Variants in APC2 observed in about 807,000 individuals in gnomAD.
APC2 encodes APC regulator of Wnt signaling pathway 2.
A neutral mutation model predicts 72.5 loss-of-function variants in APC2; 41 were observed. The ratio of observed to expected loss-of-function variants is 0.57; its 90% CI spans 0.44 to 0.73. The LOEUF (loss-of-function observed/expected upper bound fraction) is 0.73. APC2 is among the 30% of genes least tolerant of loss of function. APC2 has a pLI of 0.00. For synonymous variants in APC2, 1,898 were observed against 1,612.0 expected, an observed-to-expected ratio of 1.18 and a Z score of -4.25; for missense variants, 3,729 against 3,403.4, an observed-to-expected ratio of 1.10 and a Z score of -2.38.
In APC2 at chr19:1,455,226, A is replaced by G. The variant is rs758977342; in HGVS notation, c.491A>G (p.Lys164Arg). Reference sequence around the variant, plus strand: ...TACTCTCAGCTGCAGGGCCTGTCCAAGCGCCTGGACGAGCTGCCGCACGTG... The same window carrying G: ...TACTCTCAGCTGCAGGGCCTGTCCAGGCGCCTGGACGAGCTGCCGCACGTG... ...WYYSQLQGLS[K>R]RLDELPHVET... is the part of the protein sequence containing the mutation. Residue 164 changes from lysine (K) to arginine (R), a missense_variant, in exon 5 of 15, where the codon AAG becomes AGG. Coordinates refer to ENST00000590469, the MANE Select transcript of APC2 (RefSeq NM_005883.3). The G allele has an allele frequency of 2.0e-5, 31 of 1,581,502 alleles. No individual in the cohort carries two copies. The highest frequency in any genetic ancestry group is 1.6e-4 in the South Asian group (14 of 86,272).
At position 1,469,260 on chromosome 19, in the gene APC2, G is replaced by C. The variant is rs1486746861; in HGVS notation, c.5959G>C (p.Asp1987His). The C allele has an allele frequency of 7.0e-7, 1 of 1,426,840 alleles. No individual in the cohort carries two copies. Among genetic ancestry groups the C allele is most frequent in the Admixed American group, 2.5e-5 (1 of 40,502 alleles). The allele number at this position is 1,426,840 out of a possible 1,614,324, so 88.4% of individuals were successfully genotyped here. Residue 1987 changes from aspartate (D) to histidine (H), a missense_variant, in exon 15 of 15, where the codon GAC becomes CAC. Asp to His is a moderately conservative substitution (Grantham distance 81, BLOSUM62 -1). Coordinates refer to ENST00000590469, the MANE Select transcript of APC2 (RefSeq NM_005883.3). ...SALSSGSESS[D>H]RSGFRRQLTF... ...CCTCTCCAGCGGCAGCGAGTCCTCCGACCGCTCGGGCTTCCGGCGACAGCT... is the reference window on the plus strand; with the variant it reads ...CCTCTCCAGCGGCAGCGAGTCCTCCCACCGCTCGGGCTTCCGGCGACAGCT...
chr19:1,468,132 G>A lies in APC2; in HGVS notation c.4831G>A (p.Gly1611Ser). ...GREPAVTKDPGPGGGRDSSPS... is the reference protein window; with the variant it reads ...GREPAVTKDPSPGGGRDSSPS... ...GGAGCCCGCGGTCACCAAGGACCCG[G>A]GCCCAGGAGGCGGACGCGACAGCTC... Residue 1611 changes from glycine to serine, a missense_variant, in exon 15 of 15, where the codon GGC becomes AGC. Coordinates refer to ENST00000590469, the MANE Select transcript of APC2 (RefSeq NM_005883.3). 1 of 1,499,018 alleles carries A rather than the reference G, an allele frequency of 6.7e-7. No individual in the cohort carries two copies. Among genetic ancestry groups the A allele is most frequent in the Non-Finnish European group, 8.8e-7 (1 of 1,131,484 alleles). 92.9% of individuals were successfully genotyped at this position (1,499,018 alleles called of 1,614,324 possible). A position where few individuals can be genotyped will look rare whatever the true frequency, so the allele number is the denominator to read the frequency against.
rs759747118 is a variant in APC2 at position 1,466,395 on chromosome 19, C to T, written c.3094C>T (p.Pro1032Ser). The change falls in exon 15 of 15, where the codon CCG becomes TCG. Residue 1032 changes from proline to serine, a missense_variant. By Grantham distance (74) the Pro-to-Ser change is moderately conservative. Transcript: ENST00000590469. ...AGGGGCCCGGAAGCAGGCCTGGCTG[C>T]CGGCAGACCACCTGAGCAAGGTTCC... The part of the protein sequence containing the change: ...SPGARKQAWL[P>S]ADHLSKVPEK... The T allele has an allele frequency of 1.3e-6, 2 of 1,591,950 alleles. No individual in the cohort carries two copies. Among genetic ancestry groups the T allele is most frequent in the East Asian group, 4.5e-5 (2 of 44,692 alleles).
rs1323548618 is a variant in APC2 at position 1,467,901 on chromosome 19, C to T, written c.4600C>T (p.Pro1534Ser). The T allele has an allele frequency of 1.9e-6, 3 of 1,583,528 alleles. No individual in the cohort carries two copies. Among genetic ancestry groups the T allele is most frequent in the Admixed American group, 1.7e-5 (1 of 58,980 alleles). Residue 1534 changes from proline to serine, a missense_variant, in exon 15 of 15, where the codon CCT becomes TCT. By Grantham distance (74) the Pro-to-Ser change is moderately conservative. Transcript: ENST00000590469. ...AACCCACCGGCGCACATCGGCCATCCCTCGCGCTTTTACGCGGGAGCGTCC... is the reference window on the plus strand; with the variant it reads ...AACCCACCGGCGCACATCGGCCATCTCTCGCGCTTTTACGCGGGAGCGTCC... The part of the protein sequence containing the change: ...TPTHRRTSAI[P>S]RAFTRERPQG...
intron 8 of APC2, 98 bp downstream of exon 8, chr19:1,456,502 C>T (rs1465469159): frequency 8.0e-7 from 1 of 1,243,148 alleles, no homozygotes; most frequent in African/African-American, 1.5e-5. Context: ...CCCATGCCTC[C>T]ATCCAGCACC....
In APC2 at chr19:1,460,270, T is replaced by A; in HGVS notation, c.1393T>A (p.Tyr465Asn). The A allele has an allele frequency of 6.2e-7, 1 of 1,613,538 alleles. No homozygotes were observed. The highest frequency in any genetic ancestry group is 8.5e-7 in the Non-Finnish European group (1 of 1,180,016). ...RDPLNLALRR[Y>N]AGMTLTNLTF... Reference sequence around the variant, plus strand: ...CCCGCTGAACCTGGCGCTGCGCCGCTACGCGGGCATGACCCTCACCAACCT... The same window carrying A: ...CCCGCTGAACCTGGCGCTGCGCCGCAACGCGGGCATGACCCTCACCAACCT... Residue 465 changes from tyrosine (Y) to asparagine (N), a missense_variant, in exon 11 of 15, where the codon TAC (tyrosine) becomes AAC (asparagine). Transcript: ENST00000590469.
intron 10 of APC2, among the ~76,000 whole-genome samples, chr19:1,459,515 A>G (rs7250341): frequency 0.021 from 3,213 of 152,286 alleles, 131 homozygotes; most frequent in African/African-American, 0.075. Context: ...ACCTGGATGT[A>G]CGCGTTTCAG....
rs1284845943 is a variant in APC2, at chr19:1,469,999, C to G, written c.6698C>G (p.Pro2233Arg). 2 of 1,539,248 alleles carry G rather than the reference C, an allele frequency of 1.3e-6. No individual in the cohort carries two copies. The highest frequency in any genetic ancestry group is 2.7e-5 in the African/African-American group (2 of 72,770). ...LSLLGSDVDG[P>R]SLAKAPISAP... Reference sequence around the variant, plus strand: ...CTCCTCGGCAGCGACGTGGACGGTCCCAGCCTCGCCAAGGCTCCCATCTCC... The same window carrying G: ...CTCCTCGGCAGCGACGTGGACGGTCGCAGCCTCGCCAAGGCTCCCATCTCC... The change falls in exon 15 of 15, where the codon CCC becomes CGC. Residue 2233 changes from proline (P) to arginine (R), a missense_variant. By Grantham distance (103) the Pro-to-Arg change is moderately radical (BLOSUM62 -2). Coordinates refer to ENST00000590469, the MANE Select transcript of APC2 (RefSeq NM_005883.3).
chr19:1,469,841 GC>G lies in APC2; in HGVS notation c.6545del (p.Pro2182ArgfsTer153), dbSNP rs1411267127. 2.6e-6 allele frequency: 4 copies of G among 1,518,902 alleles called. No individual in the cohort carries two copies. The highest frequency in any genetic ancestry group is 2.6e-6 in the Non-Finnish European group (3 of 1,140,530). 94.1% of individuals were successfully genotyped at this position (1,518,902 alleles called of 1,614,324 possible). A position where few individuals can be genotyped will look rare whatever the true frequency, so the allele number is the denominator to read the frequency against. On this transcript the variant is annotated frameshift_variant, in exon 15 of 15. Transcript: ENST00000590469. LOFTEE classifies it low-confidence loss of function (END_TRUNC). ...GSTPEDAPAG[P>X]PPRKTSDAVV... is the part of the protein sequence containing the mutation. ...CCACGCCCGAGGACGCCCCGGCCGG[GC>G]CCCCGCCGCGCAAGACCAGCGACGC...
chr19:1,447,781 T>A (rs1214115124), upstream of APC2, among the ~76,000 whole-genome samples: 3 of 152,016 alleles, frequency 2.0e-5, no homozygotes, highest in African/African-American at 7.3e-5. Flanking sequence ...CCCAGAGGGA[T>A]AAGAAGGGAG....
Position 1,468,516 on chromosome 19 carries a change from C to G in APC2, c.5215C>G (p.Arg1739Gly), listed in dbSNP as rs2084067886. The change falls in exon 15 of 15, where the codon CGA (arginine) becomes GGA (glycine). Residue 1739 changes from arginine to glycine, a missense_variant. Arg to Gly is a moderately radical substitution (Grantham distance 125). Coordinates refer to ENST00000590469, the MANE Select transcript of APC2 (RefSeq NM_005883.3). ...TLQPPKHRKG[R>G]QAEGEMGSAR... The stretch of plus-strand genomic sequence containing the variant: ...ACAGCCCCCCAAGCACAGGAAGGGA[C>G]GACAGGCGGAGGGAGAAATGGGCAG... The G allele has an allele frequency of 6.2e-7, 1 of 1,602,770 alleles. No homozygotes were observed. Among genetic ancestry groups the G allele is most frequent in the Non-Finnish European group, 8.5e-7 (1 of 1,174,414 alleles).
In APC2 at chr19:1,466,822, C is replaced by G; in HGVS notation, c.3521C>G (p.Pro1174Arg). 1 of 1,554,412 alleles carries G rather than the reference C, an allele frequency of 6.4e-7. No homozygotes were observed. Among genetic ancestry groups the G allele is most frequent in the Non-Finnish European group, 8.7e-7 (1 of 1,150,260 alleles). The change falls in exon 15 of 15, where the codon CCG becomes CGG. Residue 1174 changes from proline to arginine, a missense_variant. Transcript: ENST00000590469. ...SVSSLGSFESPSIASSIPSEP... is the reference protein window; with the variant it reads ...SVSSLGSFESRSIASSIPSEP... ...AGCTCGCTGGGCAGCTTCGAGAGCC[C>G]GTCCATCGCCAGCTCCATCCCCAGT...
intron 11 of APC2, 129 bp downstream of exon 11, chr19:1,460,449 G>A (rs574587488): frequency 2.1e-5 from 29 of 1,414,078 alleles, no homozygotes; most frequent in African/African-American, 5.7e-5. Context: ...ACTTACAGAC[G>A]GGTAGACTGA....
Position 1,465,648 on chromosome 19 carries a change from G to T in APC2, c.2347G>T (p.Ala783Ser). Residue 783 changes from alanine (A) to serine (S), a missense_variant, in exon 15 of 15, where the codon GCA (alanine) becomes TCA (serine). Transcript: ENST00000590469. ...TTCGGGCTGCTTTGACGACGACGATGCACCGTCATCCCTGGCTGCGGCCGC... is the reference window on the plus strand; with the variant it reads ...TTCGGGCTGCTTTGACGACGACGATTCACCGTCATCCCTGGCTGCGGCCGC... ...SDSGCFDDDD[A>S]PSSLAAAAAT... The T allele has an allele frequency of 6.2e-7, 1 of 1,603,434 alleles. No individual in the cohort carries two copies. The highest frequency in any genetic ancestry group is 8.5e-7 in the Non-Finnish European group (1 of 1,176,002).
At chr19:1,464,720 C>T (rs1053267260) in intron 14 of APC2, among the ~76,000 whole-genome samples, 1 of 146,400 alleles carries the variant, frequency 6.8e-6, no homozygotes, top group Admixed American at 6.8e-5. Flanking sequence ...GCAGCCTCTA[C>T]CTCCCGGGTT....
intron 14 of APC2, among the ~76,000 whole-genome samples, chr19:1,463,869 G>A (rs2083964757): frequency 1.3e-5 from 2 of 151,922 alleles, no homozygotes; most frequent in African/African-American, 2.4e-5. Flanking sequence ...AATACACATC[G>A]GATATACTAA....
At chr19:1,460,573 G>A (rs1471354466) in intron 11 of APC2, among the ~76,000 whole-genome samples, 1 of 152,244 alleles carries the variant, frequency 6.6e-6, no homozygotes, top group Admixed American at 6.5e-5. Flanking sequence ...TCATTGTAGA[G>A]GGGGCCTCAG....
intron 13 of APC2, 114 bp downstream of exon 13, chr19:1,461,267 T>C (rs2083918245): frequency 1.1e-6 from 1 of 907,518 alleles, no homozygotes; most frequent in Non-Finnish European, 1.8e-6. Context: ...GCTCACTGCT[T>C]AGCGGGTGGT....
intron 14 of APC2, among the ~76,000 whole-genome samples, chr19:1,463,494 A>C (rs2083958966): frequency 6.6e-6 from 1 of 151,118 alleles, no homozygotes; most frequent in Non-Finnish European, 1.5e-5. Context: ...GAGGCAGGAG[A>C]ATTGCTTGAG....
Sources: allele counts gnomAD v4.1 joint callset (sites outside exome capture counted in the v4.1 genomes callset), GRCh38; gene constraint gnomAD v4.1.1; transcripts MANE v1.5; gene names NCBI Gene and HGNC (gene_info 2026-07-23, HGNC 2026-07-21).